Variants in LHFPL3 observed in about 807,000 individuals in gnomAD.
LHFPL3 encodes the protein LHFPL tetraspan subfamily member 3 protein.
A neutral mutation model predicts 19.3 loss-of-function variants in LHFPL3; 5 were observed. The observed-to-expected ratio is 0.26, with a 90% confidence interval of 0.14 to 0.54. The LOEUF (loss-of-function observed/expected upper bound fraction) is 0.54, where lower values mean the gene tolerates loss of function less well. Ranked by LOEUF, LHFPL3 falls within the 20% of genes least tolerant of loss-of-function variation. The pLI, the probability that LHFPL3 is intolerant of heterozygous loss-of-function variation, is 0.94. For synonymous variants in LHFPL3, 133 were observed against 126.2 expected (o/e 1.05, Z -0.36); for missense variants, 249 against 307.4 (o/e 0.81, Z 1.42).
intron 1 of LHFPL3, among the ~76,000 whole-genome samples, chr7:104,592,758 C>G (rs1172596861): frequency 1.3e-5 from 2 of 152,280 alleles, no homozygotes; most frequent in East Asian, 1.9e-4. Flanking sequence ...TCACCCAGTT[C>G]CAGCTTCCTG....
At position 104,908,315 on chromosome 7, in the gene LHFPL3, G is replaced by A. The variant is rs772023737; in HGVS notation, c.*2100G>A. The stretch of plus-strand genomic sequence containing the variant: ...GCTCTGAAGATGGGTCATTGACGAT[G>A]TACCATTTGTATATAGGTAATACAC... On this transcript the variant is annotated 3_prime_UTR_variant, in exon 3 of 3. Coordinates refer to ENST00000424859, the MANE Select transcript of LHFPL3 (RefSeq NM_199000.3). Among the ~76,000 whole-genome samples the A allele has an allele frequency of 3.9e-5, 6 of 151,962 alleles. No homozygotes were observed. The highest frequency in any genetic ancestry group is 1.4e-4 in the African/African-American group (6 of 41,392).
chr7:104,903,076 G>T (rs971172694), intron 2 of LHFPL3, among the ~76,000 whole-genome samples: 1 of 152,122 alleles, frequency 6.6e-6, no homozygotes, highest in Non-Finnish European at 1.5e-5. Context: ...CGCAGGTATG[G>T]GTGTCACTAC....
At chr7:104,804,760 A>G (rs1790322200) in intron 2 of LHFPL3, among the ~76,000 whole-genome samples, 2 of 152,170 alleles carry the variant, frequency 1.3e-5, no homozygotes, top group South Asian at 4.1e-4. Flanking sequence ...CTACATGAAA[A>G]TGGATCATTT....
chr7:104,488,854 A>G (rs1238401250), intron 1 of LHFPL3, among the ~76,000 whole-genome samples: 1 of 152,316 alleles, frequency 6.6e-6, no homozygotes, highest in South Asian at 2.1e-4. Flanking sequence ...AGATTTTGCC[A>G]CTGAGAATGA....
At chr7:104,474,176 C>T (rs970833727) in intron 1 of LHFPL3, among the ~76,000 whole-genome samples, 1 of 152,132 alleles carries the variant, frequency 6.6e-6, no homozygotes, top group African/African-American at 2.4e-5. Flanking sequence ...AAAATCATTC[C>T]AGCCTAGTTT....
chr7:104,629,920 A>G (rs1052349815), intron 1 of LHFPL3, among the ~76,000 whole-genome samples: 1 of 152,166 alleles, frequency 6.6e-6, no homozygotes, highest in Non-Finnish European at 1.5e-5. Context: ...AAGGGTATGG[A>G]TAATTTCTTT....
chr7:104,872,074 C>T (rs1203896238), intron 2 of LHFPL3, among the ~76,000 whole-genome samples: 2 of 151,604 alleles, frequency 1.3e-5, no homozygotes, highest in Non-Finnish European at 2.9e-5. Flanking sequence ...CACAGTGGCT[C>T]ATGCTTGTAA....
At chr7:104,566,585 G>C (rs1015488703) in intron 1 of LHFPL3, among the ~76,000 whole-genome samples, 6 of 152,090 alleles carry the variant, frequency 3.9e-5, no homozygotes, top group African/African-American at 1.2e-4. Flanking sequence ...AGAGATGTTA[G>C]AAGCCCGTAC....
chr7:104,401,694 T>C (rs764813329), intron 1 of LHFPL3, among the ~76,000 whole-genome samples: 2 of 152,234 alleles, frequency 1.3e-5, no homozygotes, highest in Non-Finnish European at 2.9e-5. Flanking sequence ...AGATTTATTC[T>C]TAAAACACAT....
intron 1 of LHFPL3, among the ~76,000 whole-genome samples, chr7:104,500,250 A>T (rs558368089): frequency 1.3e-5 from 2 of 152,300 alleles, no homozygotes; most frequent in South Asian, 4.1e-4. Context: ...AGTTTATTTC[A>T]ACAAACTGAC....
chr7:104,908,044 A>C lies in LHFPL3; in HGVS notation c.*1829A>C, dbSNP rs1399456209. Among the ~76,000 whole-genome samples, 1 of 152,124 alleles carries C rather than the reference A, an allele frequency of 6.6e-6. No homozygotes were observed. Among genetic ancestry groups the C allele is most frequent in the Non-Finnish European group, 1.5e-5 (1 of 68,002 alleles). On this transcript the variant is annotated 3_prime_UTR_variant, in exon 3 of 3. Coordinates refer to ENST00000424859, the MANE Select transcript of LHFPL3 (RefSeq NM_199000.3). ...TACATCCATAACACCCTACTTACTA[A>C]ATTTAATTACACACAACTTTTCAAG...
intron 2 of LHFPL3, among the ~76,000 whole-genome samples, chr7:104,753,106 C>A (rs192315356): frequency 6.6e-6 from 1 of 152,154 alleles, no homozygotes; most frequent in Non-Finnish European, 1.5e-5. Context: ...AGCAACACTG[C>A]CCCTGGTGAT....
intron 1 of LHFPL3, among the ~76,000 whole-genome samples, chr7:104,362,117 G>A (rs1790398869): frequency 6.6e-6 from 1 of 152,224 alleles, no homozygotes; most frequent in African/African-American, 2.4e-5. Context: ...TCTCCTTAGA[G>A]CAGAGGCTGG....
intron 2 of LHFPL3, among the ~76,000 whole-genome samples, chr7:104,774,747 T>C (rs1032574961): frequency 2.8e-4 from 42 of 152,248 alleles, no homozygotes; most frequent in Non-Finnish European, 5.9e-5. Context: ...TTTTTATATA[T>C]TCAGTTCTTT....
At chr7:104,723,353 T>C (rs377401606) in intron 1 of LHFPL3, among the ~76,000 whole-genome samples, 68 of 152,158 alleles carry the variant, frequency 4.5e-4, no homozygotes, top group African/African-American at 1.6e-3. Flanking sequence ...TCAGAAGATA[T>C]CATGGCATGG....
chr7:104,594,334 T>C (rs1311507724), intron 1 of LHFPL3, among the ~76,000 whole-genome samples: 1 of 152,208 alleles, frequency 6.6e-6, no homozygotes, highest in Non-Finnish European at 1.5e-5. Flanking sequence ...GGGTTGAAAA[T>C]TCTTTCCTTT....
intron 2 of LHFPL3, among the ~76,000 whole-genome samples, chr7:104,893,711 G>A (rs939165821): frequency 1.3e-5 from 2 of 152,118 alleles, no homozygotes; most frequent in Admixed American, 1.3e-4. Context: ...CAGCTCTTTG[G>A]GAGACCAAGG....
At chr7:104,860,537 A>AG in intron 2 of LHFPL3, among the ~76,000 whole-genome samples, 1 of 121,758 alleles carries the variant, frequency 8.2e-6, no homozygotes, top group Non-Finnish European at 1.8e-5. Flanking sequence ...ATGCCCCTTA[A>AG]GGATCTACAC....
At chr7:104,740,518 C>A (rs1399535786) in intron 2 of LHFPL3, among the ~76,000 whole-genome samples, 1 of 152,138 alleles carries the variant, frequency 6.6e-6, no homozygotes, top group South Asian at 2.1e-4. Context: ...TAAAGACATA[C>A]CTGAGACTGG....
Sources: gnomAD v4.1 joint callset for allele counts (sites outside exome capture counted in the v4.1 genomes callset) on GRCh38, gnomAD v4.1.1 for gene constraint, MANE v1.5 for transcripts, NCBI Gene and HGNC (gene_info 2026-07-23, HGNC 2026-07-21) for gene names.